SYNE1: variants seen among roughly 807,000 people sequenced by gnomAD.
SYNE1 encodes the protein spectrin repeat containing nuclear envelope protein 1, also known as nesprin-1.
A neutral mutation model predicts 1,111.0 loss-of-function variants in SYNE1; 616 were observed. The ratio of observed to expected loss-of-function variants is 0.55; its 90% CI spans 0.52 to 0.59. The LOEUF (loss-of-function observed/expected upper bound fraction) is 0.59, where lower values mean the gene tolerates loss of function less well. Among genes scored for constraint, SYNE1 ranks in the 20% least tolerant of loss-of-function variants. SYNE1 has a pLI of 0.00. For synonymous variants in SYNE1, 3,855 were observed against 3,825.8 expected, an observed-to-expected ratio of 1.01 and a Z score of -0.28; for missense variants, 10,006 against 10,417.0, an observed-to-expected ratio of 0.96 and a Z score of 1.72.
At position 152,394,577 on chromosome 6, in the gene SYNE1, A is replaced by G. The variant is rs1021862555; in HGVS notation, c.7712+939T>C. ...CACAGATCAGGGAACTTTGCCTGGG[A>G]AAGGAGCCAGAAACGTTTTCTCAGT... On this transcript the variant is annotated intron_variant, in intron 51 of 145. Transcript: ENST00000367255. Among the ~76,000 whole-genome samples, 8 of 152,174 alleles carry G rather than the reference A, an allele frequency of 5.3e-5. 1 individual carries two copies. Among genetic ancestry groups the G allele is most frequent in the South Asian group, 4.2e-4 (2 of 4,798 alleles).
chr6:152,231,853 C>A (rs1562361395), intron 113 of SYNE1, among the ~76,000 whole-genome samples: 1 of 151,832 alleles, frequency 6.6e-6, no homozygotes, highest in Non-Finnish European at 1.5e-5. Context: ...TATATAACCT[C>A]ACTATAAAAT....
intron 98 of SYNE1, among the ~76,000 whole-genome samples, chr6:152,276,027 CTTCTTTTT>C (rs1293876955): frequency 7.7e-6 from 1 of 129,060 alleles, no homozygotes; most frequent in Non-Finnish European, 1.6e-5. Context: ...AAATTCTCGA[CTTCTTTTT>C]TTTTTTTTTT....
At chr6:152,408,131 A>G (rs2097932181) in intron 44 of SYNE1, among the ~76,000 whole-genome samples, 1 of 152,230 alleles carries the variant, frequency 6.6e-6, no homozygotes, top group Non-Finnish European at 1.5e-5. Flanking sequence ...TTATTATATT[A>G]CACAAATATC....
chr6:152,198,995 A>AC (rs1554537847), intron 127 of SYNE1, among the ~76,000 whole-genome samples: 3 of 151,274 alleles, frequency 2.0e-5, no homozygotes, highest in South Asian at 2.1e-4. Context: ...AAAAAAAAAA[A>AC]AAAAAACCAA....
Position 152,323,464 on chromosome 6 carries a change from A to G in SYNE1, c.15917+14T>C. On this transcript the variant is annotated intron_variant, in intron 82 of 145. Coordinates refer to ENST00000367255, the MANE Select transcript of SYNE1 (RefSeq NM_182961.4). Reference sequence around the variant, plus strand: ...AACAAACAAACAAAAGAATGAAAGTAGGTGCTTAATTACTTCAGGCACCGA... The same window carrying G: ...AACAAACAAACAAAAGAATGAAAGTGGGTGCTTAATTACTTCAGGCACCGA... 2.5e-6 allele frequency: 4 copies of G among 1,611,614 alleles called. No homozygotes were observed. The highest frequency in any genetic ancestry group is 1.1e-5 in the South Asian group (1 of 91,068).
chr6:152,285,807 T>A (rs1482235898), intron 95 of SYNE1, among the ~76,000 whole-genome samples: 1 of 152,214 alleles, frequency 6.6e-6, no homozygotes, highest in African/African-American at 2.4e-5. Flanking sequence ...CTATCATAAT[T>A]ATACTTGATT....
chr6:152,410,392 G>C (rs1455536323), intron 42 of SYNE1: 1 of 149,890 alleles, frequency 6.7e-6, no homozygotes, highest in East Asian at 2.1e-4. Context: ...GAAGCTGTAG[G>C]CTTTTTTTTT....
At chr6:152,404,116 T>TATAC (rs747022132) in intron 46 of SYNE1, 97 bp downstream of exon 46, 32 of 616,784 alleles carry the variant, frequency 5.2e-5, no homozygotes, top group African/African-American at 2.3e-4. Flanking sequence ...TATATATATA[T>TATAC]ACACACACAC....
intron 111 of SYNE1, 143 bp from the exon 112 acceptor site, chr6:152,234,106 T>C (rs2083423138): frequency 1.1e-6 from 1 of 912,784 alleles, no homozygotes; most frequent in Non-Finnish European, 1.7e-6. Flanking sequence ...ATGAAAGCAG[T>C]ACACCCTTGC....
chr6:152,128,214 A>C (rs2813564), intron 145 of SYNE1: 4 of 152,224 alleles, frequency 2.6e-5, no homozygotes, highest in African/African-American at 4.8e-5. Context: ...CATCATAAGC[A>C]TTTGCTTTGA....
chr6:152,584,500 A>G (rs2099530989), intron 3 of SYNE1, among the ~76,000 whole-genome samples: 2 of 152,070 alleles, frequency 1.3e-5, no homozygotes, highest in Non-Finnish European at 2.9e-5. Flanking sequence ...CTGGACTGCA[A>G]TGGCGCTGTC....
intron 3 of SYNE1, among the ~76,000 whole-genome samples, chr6:152,598,231 T>C (rs1208803709): frequency 6.6e-6 from 1 of 152,148 alleles, no homozygotes; most frequent in Non-Finnish European, 1.5e-5. Flanking sequence ...ATTCTCATGA[T>C]AGTGAACAAG....
chr6:152,608,383 T>C (rs2099622079), intron 3 of SYNE1, among the ~76,000 whole-genome samples: 1 of 152,170 alleles, frequency 6.6e-6, no homozygotes, highest in Non-Finnish European at 1.5e-5. Flanking sequence ...AGTGCTCTAA[T>C]TACAGGTAAA....
At chr6:152,540,591 G>T (rs559014252) in intron 3 of SYNE1, among the ~76,000 whole-genome samples, 1 of 152,182 alleles carries the variant, frequency 6.6e-6, no homozygotes, top group Non-Finnish European at 1.5e-5. Flanking sequence ...TTTTTGTGTC[G>T]GCAGAATGTG....
chr6:152,165,502 T>C (rs934991781), intron 130 of SYNE1, among the ~76,000 whole-genome samples: 1 of 152,180 alleles, frequency 6.6e-6, no homozygotes, highest in African/African-American at 2.4e-5. Context: ...AATTCTTCTA[T>C]TTGAATAACA....
At chr6:152,463,017 T>C in intron 19 of SYNE1, 127 bp from the exon 20 acceptor site, 6 of 1,162,168 alleles carry the variant, frequency 5.2e-6, no homozygotes, top group Non-Finnish European at 7.5e-6. Flanking sequence ...TCTTTGATTC[T>C]CATTTTAGAT....
At chr6:152,145,523 C>T in intron 137 of SYNE1, 1 of 1,614,068 alleles carries the variant, frequency 6.2e-7, no homozygotes, top group Non-Finnish European at 8.5e-7. Context: ...GTGAGTTTTA[C>T]ATAGGCCTCA....
At position 152,329,722 on chromosome 6, in the gene SYNE1, A is replaced by G. The variant is rs563400584; in HGVS notation, c.14955+8T>C. ...GAAAAAAGAGAAGTGAAGTCCTATT[A>G]TACCCACCTGTCTGGTGCGTAAGGC... On this transcript the variant is annotated splice_region_variant and intron_variant, in intron 78 of 145. Coordinates refer to ENST00000367255, the MANE Select transcript of SYNE1 (RefSeq NM_182961.4). 4.3e-5 allele frequency: 70 copies of G among 1,614,194 alleles called. No individual in the cohort carries two copies. The South Asian group carries it at 7.2e-4, about 17-fold the overall frequency.
At chr6:152,358,667 G>C in intron 65 of SYNE1, 130 bp from the exon 66 acceptor site, 3 of 818,656 alleles carry the variant, frequency 3.7e-6, no homozygotes, top group Non-Finnish European at 5.8e-6. Flanking sequence ...TTATTTCCTA[G>C]AATCATGAAT....
Sources: allele counts gnomAD v4.1 joint callset (sites outside exome capture counted in the v4.1 genomes callset), GRCh38; gene constraint gnomAD v4.1.1; transcripts MANE v1.5; gene names NCBI Gene and HGNC (gene_info 2026-07-23, HGNC 2026-07-21).